Variants in IRAK1BP1 observed in about 807,000 individuals in gnomAD.
IRAK1BP1 encodes the protein interleukin 1 receptor associated kinase 1 binding protein 1.
A neutral mutation model predicts 28.0 loss-of-function variants in IRAK1BP1; 24 were observed. That is an observed-to-expected ratio of 0.86 (90% CI 0.62 to 1.20). IRAK1BP1 has a LOEUF of 1.20. Ranked by LOEUF, IRAK1BP1 falls within the 50% of genes most tolerant of loss-of-function variation. IRAK1BP1 has a pLI of 0.00. For synonymous variants in IRAK1BP1, 131 were observed against 116.3 expected (o/e 1.13, Z -0.81); for missense variants, 336 against 316.7 (o/e 1.06, Z -0.46).
chr6:78,931,852 T>A lies in IRAK1BP1; in HGVS notation c.*68-13556T>A, dbSNP rs1179263041. Among the ~76,000 whole-genome samples, 4 of 152,298 alleles carry A rather than the reference T, an allele frequency of 2.6e-5. No individual in the cohort carries two copies. The East Asian group carries it at 7.7e-4, about 29-fold the overall frequency. ...TAAGATAACACTGAAGTATGCTGCA[T>A]CCATTGGACTCTTCCTTTCGCAAAA... On this transcript the variant is annotated intron_variant and NMD_transcript_variant, in intron 4 of 4. Transcript: ENST00000606868.
the IRAK1BP1 span, chr6:78,958,747 C>G: frequency 1.6e-6 from 1 of 618,404 alleles, no homozygotes; most frequent in Non-Finnish European, 2.9e-6. Context: ...TTCAAAGCAG[C>G]ATAACTGCAT....
chr6:78,955,402 C>A, the IRAK1BP1 span: 534 of 715,422 alleles, frequency 7.5e-4, 7 homozygotes, highest in South Asian at 5.7e-3. Context: ...TATGCTGGGG[C>A]ACTTTATTGA....
chr6:78,955,134 T>TA, the IRAK1BP1 span: 5 of 909,012 alleles, frequency 5.5e-6, no homozygotes, highest in African/African-American at 5.2e-5. Context: ...TTGAAATACT[T>TA]AATGTCTTTT....
At chr6:78,886,069 C>T (rs1313286358) in intron 2 of IRAK1BP1, among the ~76,000 whole-genome samples, 2 of 152,040 alleles carry the variant, frequency 1.3e-5, no homozygotes, top group South Asian at 2.1e-4. Flanking sequence ...GTGCCTAGTA[C>T]GTGCCACCTC....
Position 78,940,917 on chromosome 6 carries a change from C to T in IRAK1BP1, c.*68-4491C>T. Reference sequence around the variant, plus strand: ...AACTCTTCTTCCTCATCTATAGGATCATCTATCTTTTTTCGGTTACTTCTC... The same window carrying T: ...AACTCTTCTTCCTCATCTATAGGATTATCTATCTTTTTTCGGTTACTTCTC... On this transcript the variant is annotated intron_variant and NMD_transcript_variant, in intron 4 of 4. Coordinates refer to the IRAK1BP1 transcript ENST00000606868. 1.9e-6 allele frequency: 3 copies of T among 1,613,724 alleles called. No homozygotes were observed. Among genetic ancestry groups the T allele is most frequent in the Non-Finnish European group, 2.5e-6 (3 of 1,179,706 alleles).
chr6:78,908,702 T>G (rs78748542), intron 4 of IRAK1BP1, among the ~76,000 whole-genome samples: 5,692 of 152,224 alleles, frequency 0.037, 106 homozygotes, highest in Middle Eastern at 0.058. Context: ...TGTGCACATC[T>G]ACCAGAAGAA....
chr6:78,910,825 C>T (rs1373385772), intron 4 of IRAK1BP1, among the ~76,000 whole-genome samples: 1 of 152,230 alleles, frequency 6.6e-6, no homozygotes, highest in African/African-American at 2.4e-5. Context: ...GGGCGCTCCG[C>T]GCTGTCATGA....
intron 1 of IRAK1BP1, among the ~76,000 whole-genome samples, chr6:78,875,966 A>G (rs1447494952): frequency 1.3e-5 from 2 of 152,166 alleles, no homozygotes; most frequent in Admixed American, 1.3e-4. Context: ...TACTTTTTTA[A>G]ATTTTATTCC....
chr6:78,926,206 C>G (rs1173605417), intron 4 of IRAK1BP1, among the ~76,000 whole-genome samples: 1 of 152,104 alleles, frequency 6.6e-6, no homozygotes, highest in African/African-American at 2.4e-5. Context: ...AAAGGGAATG[C>G]TTATACACCG....
chr6:78,923,274 T>C (rs576023099), intron 4 of IRAK1BP1, among the ~76,000 whole-genome samples: 37 of 151,184 alleles, frequency 2.4e-4, no homozygotes, highest in African/African-American at 9.0e-4. Context: ...GTTTCAATCC[T>C]AGATTCTGAT....
At chr6:78,923,432 AC>A (rs1303058795) in intron 4 of IRAK1BP1, among the ~76,000 whole-genome samples, 1 of 152,176 alleles carries the variant, frequency 6.6e-6, no homozygotes, top group Non-Finnish European at 1.5e-5. Context: ...GTCCTTAGAG[AC>A]CTACAAAGAG....
chr6:78,967,891 T>C, the IRAK1BP1 span, among the ~76,000 whole-genome samples: 1 of 152,018 alleles, frequency 6.6e-6, no homozygotes, highest in Non-Finnish European at 1.5e-5. Flanking sequence ...TCCTAGCACT[T>C]TGGGAGGCTG....
downstream of IRAK1BP1, among the ~76,000 whole-genome samples, chr6:78,950,037 T>C (rs1774058265): frequency 6.6e-6 from 1 of 152,060 alleles, no homozygotes; most frequent in Non-Finnish European, 1.5e-5. Context: ...TGTTTTCATT[T>C]CCTCCTGTGA....
At chr6:78,978,720 A>G in the IRAK1BP1 span, 1 of 1,589,764 alleles carries the variant, frequency 6.3e-7, no homozygotes, top group Non-Finnish European at 8.6e-7. Flanking sequence ...CTCTGACAAA[A>G]TTTAAGTAAT....
the IRAK1BP1 span, chr6:78,961,554 T>C: frequency 1.3e-6 from 1 of 784,094 alleles, no homozygotes; most frequent in Non-Finnish European, 2.0e-6. Flanking sequence ...AATAAGATTC[T>C]ACATTTTAAC....
exon 5 of IRAK1BP1, chr6:78,945,869 AAATT>A: frequency 2.9e-6 from 2 of 689,440 alleles, no homozygotes; most frequent in South Asian, 4.2e-5. Context: ...TTAAAATAGG[AAATT>A]AATAAAGAAG....
At chr6:78,873,281 A>AAAAG (rs1770858980) in intron 1 of IRAK1BP1, among the ~76,000 whole-genome samples, 8 of 148,680 alleles carry the variant, frequency 5.4e-5, no homozygotes, top group Non-Finnish European at 1.5e-5. Context: ...AAAAAAAAAA[A>AAAAG]GATTGTAAAT....
the IRAK1BP1 span, chr6:78,970,811 T>G: frequency 6.2e-7 from 1 of 1,610,666 alleles, no homozygotes; most frequent in East Asian, 2.2e-5. Context: ...ATGGTTGTTT[T>G]TTGGGATTGA....
chr6:78,955,005 A>C, the IRAK1BP1 span: 1 of 1,397,376 alleles, frequency 7.2e-7, no homozygotes, highest in African/African-American at 1.5e-5. Context: ...AAGAGCACTT[A>C]CACAATAAAA....
Sources: allele counts gnomAD v4.1 joint callset (sites outside exome capture counted in the v4.1 genomes callset), GRCh38; gene constraint gnomAD v4.1.1; transcripts MANE v1.5; gene names NCBI Gene and HGNC (gene_info 2026-07-23, HGNC 2026-07-21).